MIER3: variants seen among roughly 807,000 people sequenced by gnomAD.
MIER3 encodes the protein MIER family member 3, also known as mesoderm induction early response protein 3.
In MIER3, 9 loss-of-function variants were observed where a neutral mutation model predicts 63.2. The ratio of observed to expected loss-of-function variants is 0.14; its 90% CI spans 0.09 to 0.25. The LOEUF is 0.25. Ranked by LOEUF, MIER3 falls within the 10% of genes least tolerant of loss-of-function variation. The pLI, the probability that MIER3 is intolerant of heterozygous loss-of-function variation, is 1.00. For missense variants in MIER3, 512 were observed against 666.2 expected (o/e 0.77, Z 2.55); for synonymous variants, 205 against 224.9 (o/e 0.91, Z 0.79).
chr5:56,942,550 G>A (rs1018964123), intron 3 of MIER3, among the ~76,000 whole-genome samples: 1 of 152,170 alleles, frequency 6.6e-6, no homozygotes, highest in Admixed American at 6.5e-5. Context: ...GGATGGTAAC[G>A]ATGAGTTTAA....
intron 10 of MIER3, among the ~76,000 whole-genome samples, chr5:56,927,176 T>C (rs1750030795): frequency 6.6e-6 from 1 of 152,220 alleles, no homozygotes; most frequent in South Asian, 2.1e-4. Flanking sequence ...TGGATATGTA[T>C]CATTATATAT....
chr5:56,952,107 G>C lies in MIER3; in HGVS notation c.-5C>G. On this transcript the variant is annotated 5_prime_UTR_variant, in exon 1 of 13. Transcript: ENST00000381199. ...TTCCCTGCTCACCTCCGCCATATTGGTACCTTTAGGGCGAACGAGCAGCGC... is the reference window on the plus strand; with the variant it reads ...TTCCCTGCTCACCTCCGCCATATTGCTACCTTTAGGGCGAACGAGCAGCGC... 7.7e-7 allele frequency: 1 copy of C among 1,305,682 alleles called. No homozygotes were observed. The allele number at this position is 1,305,682 out of a possible 1,614,324, so 80.9% of individuals were successfully genotyped here.
At chr5:56,945,462 CA>C (rs1329673845) in intron 3 of MIER3, among the ~76,000 whole-genome samples, 3,294 of 143,544 alleles carry the variant, frequency 0.023, 127 homozygotes, top group African/African-American at 0.08. Context: ...GTCTTCGTCT[CA>C]AAAAAAAAAA....
At chr5:56,943,518 C>T (rs930371708) in intron 3 of MIER3, among the ~76,000 whole-genome samples, 8 of 152,138 alleles carry the variant, frequency 5.3e-5, no homozygotes, top group African/African-American at 1.9e-4. Context: ...TATAAAGACA[C>T]AGGAATGACC....
intron 3 of MIER3, among the ~76,000 whole-genome samples, chr5:56,941,835 G>A (rs936140554): frequency 6.6e-6 from 1 of 152,126 alleles, no homozygotes; most frequent in Non-Finnish European, 1.5e-5. Flanking sequence ...CTAGGTGAGG[G>A]TACTGATACA....
chr5:56,929,675 A>G (rs1750188184), intron 9 of MIER3: 1 of 152,254 alleles, frequency 6.6e-6, no homozygotes, highest in African/African-American at 2.4e-5. Context: ...CTCTGGAAAT[A>G]TAAAGGAAAT....
At position 56,939,128 on chromosome 5, in the gene MIER3, A is replaced by ACCTC. The variant is rs1750553488; in HGVS notation, c.181-112_181-111insGAGG. 1.3e-5 allele frequency: 15 copies of ACCTC among 1,163,294 alleles called. No homozygotes were observed. In the South Asian group the frequency reaches 3.7e-4, roughly 29 times the overall value. The allele number at this position is 1,163,294 out of a possible 1,614,324, so 72.1% of individuals were successfully genotyped here. ...AGCACATTATCAAAACAGCAGAACA[A>ACCTC]ATCAAAGGCAAGTTTCAGTTTTTCT... On this transcript the variant is annotated intron_variant, in intron 3 of 12. Coordinates refer to ENST00000381199, the MANE Select transcript of MIER3 (RefSeq NM_001297599.2).
Position 56,922,678 on chromosome 5 carries a change from T to C in MIER3, c.*450A>G, listed in dbSNP as rs1190086854. 2 of 164,864 alleles carry C rather than the reference T, an allele frequency of 1.2e-5. No homozygotes were observed. The highest frequency in any genetic ancestry group is 4.8e-5 in the African/African-American group (2 of 41,636). The allele number at this position is 164,864 out of a possible 1,614,324, so 10.2% of individuals were successfully genotyped here. ...GATCGGGATCGGTACCTGTAAACAT[T>C]GTTATTCCACTGCATCCATTACGGC... is the stretch of plus-strand genomic sequence containing the variant. On this transcript the variant is annotated 3_prime_UTR_variant, in exon 13 of 13. Transcript: ENST00000381199.
chr5:56,947,004 A>G lies in MIER3; in HGVS notation c.102T>C (p.Asp34=), dbSNP rs201849960. 3.9e-5 allele frequency: 62 copies of G among 1,609,858 alleles called. No homozygotes were observed. The highest frequency in any genetic ancestry group is 8.5e-6 in the Non-Finnish European group (10 of 1,178,728). The change falls in exon 3 of 13, where the codon GAT becomes GAC. Residue 34 remains aspartate (D), a synonymous_variant. Transcript: ENST00000381199. The part of the protein sequence containing the change: ...PTAEMLVHDY[D]DERTLEEEEM... ...CCTCTTCTTCAAGAGTTCTTTCATC[A>G]TCATAGTCATGGACCAACATCTCAG... is the stretch of plus-strand genomic sequence containing the variant.
Position 56,938,936 on chromosome 5 carries a change from T to C in MIER3, c.262A>G (p.Asn88Asp), listed in dbSNP as rs145014691. 5.0e-4 allele frequency: 806 copies of C among 1,614,066 alleles called. 4 individuals are homozygous for C. The highest frequency in any genetic ancestry group is 1.6e-4 in the Middle Eastern group (1 of 6,084). The change falls in exon 4 of 13, where the codon AAT (asparagine) becomes GAT (aspartate). Residue 88 changes from asparagine to aspartate, a missense_variant. Physicochemically the swap from Asn to Asp is conservative, Grantham distance 23. Around this residue, in one of 5 missense-constraint regions of MIER3, gnomAD observed 98 missense variants for 107.4 expected, o/e 0.91. Coordinates refer to ENST00000381199, the MANE Select transcript of MIER3 (RefSeq NM_001297599.2). ...TCTGCCAGTTCACTTGGGGAACTAT[T>C]TGCACTGGAATTTGCAACTGCTGGA... ...TIPAVANSSA[N>D]SSPSELADEL... is the part of the protein sequence containing the mutation.
At position 56,927,299 on chromosome 5, in the gene MIER3, C is replaced by T. The variant is rs557010156; in HGVS notation, c.924+1468G>A. Among the ~76,000 whole-genome samples the T allele has an allele frequency of 2.0e-5, 3 of 152,162 alleles. No homozygotes were observed. In the East Asian group the frequency reaches 5.8e-4, roughly 29 times the overall value. On this transcript the variant is annotated intron_variant, in intron 10 of 12. Coordinates refer to ENST00000381199, the MANE Select transcript of MIER3 (RefSeq NM_001297599.2). ...CTCATTAATTTTAACAAATGTACCA[C>T]ACTATTAATAATAAAAGATATAATA...
At chr5:56,947,291 T>A (rs1006727432) in intron 2 of MIER3, 1 of 446,794 alleles carries the variant, frequency 2.2e-6, no homozygotes, top group Non-Finnish European at 3.8e-6. Context: ...CAAACACTTT[T>A]ATAAGGGGTT....
In MIER3 at chr5:56,938,927, G is replaced by C. The variant is rs544479003; in HGVS notation, c.271C>G (p.Pro91Ala). The change falls in exon 4 of 13, where the codon CCA (proline) becomes GCA (alanine). Residue 91 changes from proline (P) to alanine (A), a missense_variant. Physicochemically the swap from Pro to Ala is conservative, Grantham distance 27. Transcript: ENST00000381199. Reference protein sequence around the residue: ...AVANSSANSSPSELADELPDM... With the variant: ...AVANSSANSSASELADELPDM... ...GGTAGTTCATCTGCCAGTTCACTTG[G>C]GGAACTATTTGCACTGGAATTTGCA... The C allele has an allele frequency of 1.2e-6, 2 of 1,614,086 alleles. No homozygotes were observed. Among genetic ancestry groups the C allele is most frequent in the African/African-American group, 2.7e-5 (2 of 75,024 alleles).
rs774480491 is a variant in MIER3, at chr5:56,922,378, TCTC to T, written c.*747_*749del. 1.0e-4 allele frequency: 16 copies of T among 152,608 alleles called. No individual in the cohort carries two copies. The highest frequency in any genetic ancestry group is 6.5e-4 in the Admixed American group (10 of 15,288). 9.5% of individuals were successfully genotyped at this position (152,608 alleles called of 1,614,324 possible). A position where few individuals can be genotyped will look rare whatever the true frequency, so the allele number is the denominator to read the frequency against. Reference sequence around the variant, plus strand: ...GCCAATAAATGAAGTTACACAGAAATCTCCTGGCAGTAACATGACCAATTCTGT... The same window carrying T: ...GCCAATAAATGAAGTTACACAGAAATCTGGCAGTAACATGACCAATTCTGT... On this transcript the variant is annotated 3_prime_UTR_variant, in exon 13 of 13. Transcript: ENST00000381199.
intron 3 of MIER3, among the ~76,000 whole-genome samples, chr5:56,942,796 A>G (rs1750691894): frequency 6.6e-6 from 1 of 152,194 alleles, no homozygotes; most frequent in South Asian, 2.1e-4. Context: ...TCAAATTCCA[A>G]AAAGAAACTG....
chr5:56,938,340 TGAAAGGCAAG>T (rs780776640), intron 4 of MIER3: 7 of 471,200 alleles, frequency 1.5e-5, no homozygotes, highest in South Asian at 1.1e-4. Context: ...GCCTGAGATC[TGAAAGGCAAG>T]GAAAGGTTCC....
At chr5:56,943,558 G>A (rs116025470) in intron 3 of MIER3, among the ~76,000 whole-genome samples, 1,823 of 152,236 alleles carry the variant, frequency 0.012, 51 homozygotes, top group African/African-American at 0.042. Context: ...GACCATCTCC[G>A]TAGAAACTGC....
chr5:56,941,102 GA>G, intron 3 of MIER3: 4 of 985,450 alleles, frequency 4.1e-6, no homozygotes, highest in Non-Finnish European at 4.8e-6. Flanking sequence ...GAAATTTACT[GA>G]AGAATCCCTG....
chr5:56,940,199 G>A (rs1466841866), intron 3 of MIER3, among the ~76,000 whole-genome samples: 2 of 152,092 alleles, frequency 1.3e-5, no homozygotes, highest in East Asian at 3.9e-4. Flanking sequence ...TTTATCATTC[G>A]AATAAATAAC....
Sources: allele counts gnomAD v4.1 joint callset (sites outside exome capture counted in the v4.1 genomes callset), GRCh38; gene constraint gnomAD v4.1.1; regional missense constraint gnomAD v4.1.1; transcripts MANE v1.5; gene names NCBI Gene and HGNC (gene_info 2026-07-23, HGNC 2026-07-21).